KIR3DL1: variants seen among roughly 807,000 people sequenced by gnomAD.
KIR3DL1 encodes killer cell immunoglobulin-like receptor 3DL1.
A neutral mutation model predicts 40.3 loss-of-function variants in KIR3DL1; 50 were observed. That is an observed-to-expected ratio of 1.24 (90% CI 0.99 to 1.57). KIR3DL1 has a LOEUF of 1.57. Ranked by LOEUF, KIR3DL1 falls within the 40% of genes most tolerant of loss-of-function variation. The probability of loss-of-function intolerance (pLI) is 0.00; values close to 1 mark genes in which losing one functional copy is unlikely to be tolerated. For synonymous variants in KIR3DL1, 257 were observed against 207.2 expected (o/e 1.24, Z -2.07); for missense variants, 661 against 559.9 (o/e 1.18, Z -1.82).
At chr19:54,825,190 A>G (rs1569458066) in intron 6 of KIR3DL1, 112 bp downstream of exon 6, 11 of 771,994 alleles carry the variant, frequency 1.4e-5, no homozygotes, top group South Asian at 8.8e-5. Flanking sequence ...CCTGTCTTCC[A>G]CCATCTCTGA....
intron 1 of KIR3DL1, among the ~76,000 whole-genome samples, chr19:54,816,916 C>T (rs1361133739): frequency 1.4e-4 from 17 of 120,402 alleles, no homozygotes; most frequent in Non-Finnish European, 2.9e-4. Context: ...AGTTATGGGC[C>T]TGCAGTAGAG....
intron 5 of KIR3DL1, among the ~76,000 whole-genome samples, chr19:54,824,073 T>C (rs200040291): frequency 6.6e-6 from 1 of 150,748 alleles, no homozygotes; most frequent in Admixed American, 6.6e-5. Flanking sequence ...GTTTATCTTT[T>C]GTGGTGCAGA....
exon 9 of KIR3DL1, chr19:54,830,419 A>G: frequency 1.0e-6 from 1 of 1,003,316 alleles, no homozygotes; most frequent in Non-Finnish European, 1.5e-6. Context: ...CACGCCACAA[A>G]TCTGGTGCCT....
At chr19:54,818,787 T>A (rs1176294382) in intron 3 of KIR3DL1, among the ~76,000 whole-genome samples, 188 bp downstream of exon 3, 27 of 148,916 alleles carry the variant, frequency 1.8e-4, no homozygotes, top group African/African-American at 3.0e-4. Context: ...TACATTGTAA[T>A]CCCTGGAGCC....
intron 1 of KIR3DL1, among the ~76,000 whole-genome samples, chr19:54,817,247 T>G (rs2061394320): frequency 2.2e-5 from 3 of 139,084 alleles, no homozygotes; most frequent in Non-Finnish European, 3.1e-5. Context: ...GGGCCTGGAG[T>G]GGACTTACCA....
At chr19:54,830,675 T>A (rs1290005721) in exon 9 of KIR3DL1, 1 of 229,226 alleles carries the variant, frequency 4.4e-6, no homozygotes, top group African/African-American at 2.3e-5. Flanking sequence ...CTGTTTCACC[T>A]TTCTTCGGAC....
chr19:54,830,760 A>T (rs1247037275), exon 9 of KIR3DL1: 5 of 201,652 alleles, frequency 2.5e-5, no homozygotes, highest in Non-Finnish European at 4.9e-5. Context: ...TCCTCTTCAA[A>T]TAAACATGTC....
chr19:54,825,509 C>G (rs1451705466), intron 6 of KIR3DL1, among the ~76,000 whole-genome samples: 2 of 148,604 alleles, frequency 1.3e-5, no homozygotes, highest in Admixed American at 6.7e-5. Flanking sequence ...CTCAGCAGAG[C>G]AAGAGCCTTG....
At chr19:54,820,312 G>T (rs2148097973) in intron 4 of KIR3DL1, among the ~76,000 whole-genome samples, 1 of 151,644 alleles carries the variant, frequency 6.6e-6, no homozygotes, top group South Asian at 2.1e-4. Flanking sequence ...TGCTGACTTT[G>T]CTCAGAGACC....
intron 6 of KIR3DL1, among the ~76,000 whole-genome samples, chr19:54,828,064 C>T (rs2062000168): frequency 6.6e-6 from 1 of 150,642 alleles, no homozygotes; most frequent in Non-Finnish European, 1.5e-5. Flanking sequence ...GGTATTGAAG[C>T]AATAGATAGT....
Position 54,828,448 on chromosome 19 carries a change from C to T in KIR3DL1, c.1001-913C>T, listed in dbSNP as rs868061731. On this transcript the variant is annotated intron_variant, in intron 6 of 8. Transcript: ENST00000391728. ...ACACACAGAGAATACGTTACATAGGCAGGTTCATTACTAACAGATAAGCAG... is the reference window on the plus strand; with the variant it reads ...ACACACAGAGAATACGTTACATAGGTAGGTTCATTACTAACAGATAAGCAG... 1.5e-4 allele frequency among the ~76,000 whole-genome samples: 23 copies of T among 151,106 alleles called. 1 individual carries two copies. The highest frequency in any genetic ancestry group is 5.9e-4 in the Admixed American group (9 of 15,216).
rs367751202 is a variant in KIR3DL1 at position 54,829,477 on chromosome 19, G to T, written c.1105+12G>T. On this transcript the variant is annotated intron_variant, in intron 7 of 8. Coordinates refer to ENST00000391728, the Ensembl canonical transcript of KIR3DL1. ...CTCCAACAAAAAAAGTAAGTCTCAC[G>T]GGGCACAGGCCAGAGAGCTCAGGGC... The T allele has an allele frequency of 1.5e-4, 211 of 1,453,294 alleles. 35 individuals carry two copies. The East Asian group carries it at 2.9e-3, about 20-fold the overall frequency. The allele number at this position is 1,453,294 out of a possible 1,614,324, so 90.0% of individuals were successfully genotyped here.
Position 54,830,198 on chromosome 19 carries a change from A to T in KIR3DL1, c.1258A>T (p.Thr420Ser), listed in dbSNP as rs1322896676. 4 of 1,524,376 alleles carry T rather than the reference A, an allele frequency of 2.6e-6. 1 individual carries two copies. In the South Asian group the frequency reaches 3.8e-5, roughly 14 times the overall value. 94.4% of individuals were successfully genotyped at this position (1,524,376 alleles called of 1,614,324 possible). ...CACTCGCCCTTCTCAGAGGCCCAAG[A>T]CACCCCCTACAGATACCATCTTGTA... The change falls in exon 9 of 9, where the codon ACA (threonine) becomes TCA (serine). Residue 420 changes from threonine to serine, a missense_variant. This residue lies in a region of KIR3DL1 where 107 missense variants were observed against 129.4 expected (regional missense o/e 0.83). Transcript: ENST00000391728.
At chr19:54,816,991 G>A (rs1380984992) in intron 1 of KIR3DL1, among the ~76,000 whole-genome samples, 14 of 138,554 alleles carry the variant, frequency 1.0e-4, no homozygotes, top group Non-Finnish European at 2.0e-4. Context: ...GGAGTTATGG[G>A]CCCGGAGGTG....
chr19:54,816,628 TA>T (rs564987065), intron 1 of KIR3DL1, 94 bp downstream of exon 1: 3 of 1,460,780 alleles, frequency 2.1e-6, no homozygotes, highest in African/African-American at 3.5e-5. Flanking sequence ...GTTATGGGCC[TA>T]GAGGTGGAGT....
chr19:54,818,868 T>A (rs1193494237), intron 3 of KIR3DL1, among the ~76,000 whole-genome samples: 1 of 150,694 alleles, frequency 6.6e-6, no homozygotes, highest in Non-Finnish European at 1.5e-5. Context: ...TGAGTTGACC[T>A]TGAGATGGGG....
intron 6 of KIR3DL1, among the ~76,000 whole-genome samples, chr19:54,826,237 A>G (rs653019): frequency 0.51 from 74,980 of 146,958 alleles, 20,225 homozygotes; most frequent in Non-Finnish European, 0.57. Flanking sequence ...AAATGGGAGG[A>G]CAGAAAATGA....
chr19:54,829,339 C>T (rs45458503), intron 6 of KIR3DL1, 22 bp from the exon 7 acceptor site: 28,574 of 1,202,248 alleles, frequency 0.024, 4,408 homozygotes, highest in South Asian at 0.052. Context: ...TAGCTTCTTA[C>T]TGGTGTCTCC....
intron 3 of KIR3DL1, among the ~76,000 whole-genome samples, chr19:54,819,375 T>C (rs536798627): frequency 8.7e-6 from 1 of 114,902 alleles, no homozygotes; most frequent in Admixed American, 9.6e-5. Context: ...AAGAGATTGA[T>C]TCAGGCTGCT....
Sources: allele counts gnomAD v4.1 joint callset (sites outside exome capture counted in the v4.1 genomes callset), GRCh38; gene constraint gnomAD v4.1.1; regional missense constraint gnomAD v4.1.1; transcripts MANE v1.5; gene names NCBI Gene and HGNC (gene_info 2026-07-23, HGNC 2026-07-21).